Variants in GRTP1 observed in about 807,000 individuals in gnomAD.
The protein encoded by GRTP1 is growth hormone regulated TBC protein 1.
GRTP1 carries 56 observed loss-of-function variants against 38.1 expected under a neutral mutation model. The observed-to-expected ratio is 1.47, with a 90% CI of 1.19 to 1.84. The LOEUF is 1.84. Ranked by LOEUF, GRTP1 falls within the 40% of genes most tolerant of loss-of-function variation. The pLI is 0.00. For synonymous variants in GRTP1, 217 were observed against 189.5 expected, an observed-to-expected ratio of 1.14 and a Z score of -1.19; for missense variants, 506 against 453.9, an observed-to-expected ratio of 1.11 and a Z score of -1.04.
intron 5 of GRTP1, among the ~76,000 whole-genome samples, chr13:113,338,658 A>G (rs2042986909): frequency 6.6e-6 from 1 of 152,024 alleles, no homozygotes; most frequent in African/African-American, 2.4e-5. Context: ...CAATACCCAG[A>G]CGGACTCGCA....
chr13:113,354,382 G>A (rs971624832), intron 3 of GRTP1, among the ~76,000 whole-genome samples: 10 of 152,108 alleles, frequency 6.6e-5, no homozygotes, highest in African/African-American at 2.2e-4. Flanking sequence ...TGTCCTCCCC[G>A]TCCCGTCTTT....
At chr13:113,363,576 C>T (rs2043540072) in intron 2 of GRTP1, among the ~76,000 whole-genome samples, 186 bp downstream of exon 2, 1 of 152,202 alleles carries the variant, frequency 6.6e-6, no homozygotes, top group Non-Finnish European at 1.5e-5. Context: ...GTCCGACCCG[C>T]CGGCCCATCT....
intron 5 of GRTP1, among the ~76,000 whole-genome samples, chr13:113,336,360 C>CAAACAAACAAAT (rs1240606576): frequency 2.0e-5 from 3 of 148,700 alleles, no homozygotes; most frequent in African/African-American, 7.5e-5. Flanking sequence ...AACAAACAAA[C>CAAACAAACAAAT]ATGCAAAGGG....
At chr13:113,333,336 A>G (rs1261383291) in intron 5 of GRTP1, among the ~76,000 whole-genome samples, 2 of 152,166 alleles carry the variant, frequency 1.3e-5, no homozygotes, top group East Asian at 1.9e-4. Context: ...AACAGCACAG[A>G]GCAGTGTGGT....
chr13:113,336,084 G>A (rs1244702803), intron 5 of GRTP1, among the ~76,000 whole-genome samples: 1 of 152,144 alleles, frequency 6.6e-6, no homozygotes, highest in Non-Finnish European at 1.5e-5. Context: ...CAGCCACCAC[G>A]CCTGGCCAGG....
At chr13:113,347,989 G>A (rs2043198210) in intron 4 of GRTP1, among the ~76,000 whole-genome samples, 1 of 151,492 alleles carries the variant, frequency 6.6e-6, no homozygotes, top group Non-Finnish European at 1.5e-5. Flanking sequence ...AGCAGACCTG[G>A]GAGGACCTGT....
chr13:113,329,374 T>C (rs935747150), intron 5 of GRTP1, among the ~76,000 whole-genome samples: 11 of 151,972 alleles, frequency 7.2e-5, no homozygotes. Context: ...GGTCAGAAGT[T>C]TGAGACTAGC....
rs566312457 is a variant in GRTP1 at position 113,353,528 on chromosome 13, T to C, written c.340+1795A>G. ...CTGCAGAGGACGCAGCCCACGGGAC[T>C]CCTCTTATGTGACCCTGGAGTTGCC... On this transcript the variant is annotated intron_variant, in intron 3 of 7. Coordinates refer to ENST00000375431, the MANE Select transcript of GRTP1 (RefSeq NM_024719.4). Among the ~76,000 whole-genome samples, 25 of 151,926 alleles carry C rather than the reference T, an allele frequency of 1.6e-4. No individual in the cohort carries two copies. In the South Asian group the frequency reaches 5.2e-3, roughly 32 times the overall value.
chr13:113,361,390 T>C (rs935680764), intron 2 of GRTP1, among the ~76,000 whole-genome samples: 1 of 152,142 alleles, frequency 6.6e-6, no homozygotes, highest in Non-Finnish European at 1.5e-5. Flanking sequence ...GGCAATGTGC[T>C]GAGTGGTTCC....
At chr13:113,336,238 G>A (rs1566420592) in intron 5 of GRTP1, among the ~76,000 whole-genome samples, 1 of 151,866 alleles carries the variant, frequency 6.6e-6, no homozygotes, top group Non-Finnish European at 1.5e-5. Flanking sequence ...GAGGACAGAT[G>A]CCCTTCAACA....
At chr13:113,345,080 TA>T (rs1308116781) in intron 4 of GRTP1, 121 bp from the exon 5 acceptor site, 1 of 1,087,020 alleles carries the variant, frequency 9.2e-7, no homozygotes, top group Admixed American at 3.2e-5. Context: ...AAAACCTGCA[TA>T]ATTGCAGAAT....
chr13:113,356,430 G>C (rs558337228), intron 2 of GRTP1, among the ~76,000 whole-genome samples: 1 of 152,116 alleles, frequency 6.6e-6, no homozygotes, highest in South Asian at 2.1e-4. Flanking sequence ...AACATGCCTG[G>C]CTAATTTTTG....
rs1399030720 is a variant in GRTP1 at position 113,348,409 on chromosome 13, C to T, written c.465+2440G>A. Among the ~76,000 whole-genome samples the T allele has an allele frequency of 6.6e-6, 1 of 152,166 alleles. No individual in the cohort carries two copies. Among genetic ancestry groups the T allele is most frequent in the Non-Finnish European group, 1.5e-5 (1 of 68,030 alleles). ...GAGGCTGCAGTGAGCCGAGATCACG[C>T]CACTGCACTCCAGCCTGGGTGACAG... On this transcript the variant is annotated intron_variant, in intron 4 of 7. Transcript: ENST00000375431. The surrounding 1 kb of genome is among the most constrained non-coding windows in gnomAD (Gnocchi z 4.8).
At chr13:113,350,314 C>A (rs1336217089) in intron 4 of GRTP1, among the ~76,000 whole-genome samples, 1 of 152,134 alleles carries the variant, frequency 6.6e-6, no homozygotes, top group Non-Finnish European at 1.5e-5. Flanking sequence ...ACTGCAGCTG[C>A]TGGTTCACAC....
intron 5 of GRTP1, chr13:113,339,779 T>C (rs1199577634): frequency 6.6e-6 from 1 of 152,234 alleles, no homozygotes; most frequent in Non-Finnish European, 1.5e-5. Context: ...TGGCTTGGCT[T>C]TGCCCTTGAT....
chr13:113,335,568 G>C (rs1049221958), intron 5 of GRTP1, among the ~76,000 whole-genome samples: 6 of 151,986 alleles, frequency 3.9e-5, no homozygotes, highest in African/African-American at 1.5e-4. Flanking sequence ...ACTAACACAC[G>C]GTCTCACTTC....
At chr13:113,338,973 G>A (rs2042992590) in intron 5 of GRTP1, among the ~76,000 whole-genome samples, 1 of 148,448 alleles carries the variant, frequency 6.7e-6, no homozygotes, top group African/African-American at 2.5e-5. Context: ...GAGTGCAATG[G>A]TGCAGTCTCG....
Position 113,364,111 on chromosome 13 carries a change from C to A in GRTP1, c.-60G>T. The A allele has an allele frequency of 8.3e-7, 1 of 1,200,532 alleles. No individual in the cohort carries two copies. The highest frequency in any genetic ancestry group is 1.0e-6 in the Non-Finnish European group (1 of 976,796). 74.4% of individuals were successfully genotyped at this position (1,200,532 alleles called of 1,614,324 possible). A position where few individuals can be genotyped will look rare whatever the true frequency, so the allele number is the denominator to read the frequency against. On this transcript the variant is annotated 5_prime_UTR_variant, in exon 1 of 8. Coordinates refer to ENST00000375431, the MANE Select transcript of GRTP1 (RefSeq NM_024719.4). The stretch of plus-strand genomic sequence containing the variant: ...GGGTCCCAAGTTCGCCTCCCGGCTC[C>A]GGGGCGCTTAAGTCCTTCCGGCGGG...
intron 5 of GRTP1, 173 bp from the exon 6 acceptor site, chr13:113,326,264 T>C: frequency 3.3e-6 from 1 of 299,434 alleles, no homozygotes; most frequent in Non-Finnish European, 4.9e-6. Flanking sequence ...ACAGGGCTCA[T>C]GGGGAGCGAC....
Sources: gnomAD v4.1 joint callset for allele counts (sites outside exome capture counted in the v4.1 genomes callset) on GRCh38, gnomAD v4.1.1 for gene constraint, Gnocchi (gnomAD v3.1) non-coding constraint, MANE v1.5 for transcripts, NCBI Gene and HGNC (gene_info 2026-07-23, HGNC 2026-07-21) for gene names.